Variants in KREMEN2 observed in about 807,000 individuals in gnomAD.
KREMEN2 encodes kringle containing transmembrane protein 2.
Under a neutral mutation model 49.8 loss-of-function variants are expected in KREMEN2, and 43 were observed. The observed-to-expected ratio is 0.86, with a 90% CI of 0.68 to 1.11. KREMEN2 has a LOEUF of 1.11. Ranked by LOEUF, KREMEN2 falls within the 50% of genes most tolerant of loss-of-function variation. The pLI is 0.00. For synonymous variants in KREMEN2, 355 were observed against 304.9 expected, an observed-to-expected ratio of 1.16 and a Z score of -1.71; for missense variants, 686 against 665.7, an observed-to-expected ratio of 1.03 and a Z score of -0.34.
At position 2,967,883 on chromosome 16, in the gene KREMEN2, G is replaced by C; in HGVS notation, c.1252G>C (p.Val418Leu). The stretch of plus-strand genomic sequence containing the variant: ...CAGGGGCCCCAGGAGAAGCTGGGCT[G>C]TGTGGTACCAACAGCCCCGAGGGGT... ...ASRGPRRSWA[V>L]WYQQPRGVAL... Residue 418 changes from valine to leucine, a missense_variant, in exon 9 of 9, where the codon GTG becomes CTG. Val to Leu is a conservative substitution (Grantham distance 32, BLOSUM62 1). Coordinates refer to ENST00000303746, the MANE Select transcript of KREMEN2 (RefSeq NM_172229.3). The C allele has an allele frequency of 1.3e-6, 2 of 1,557,232 alleles. No individual in the cohort carries two copies. The highest frequency in any genetic ancestry group is 1.7e-4 in the Middle Eastern group (1 of 5,798).
rs2071823741 is a variant in KREMEN2 at position 2,966,572 on chromosome 16, G to A, written c.487-70G>A. The A allele has an allele frequency of 2.1e-6, 3 of 1,435,568 alleles. No individual in the cohort carries two copies. Among genetic ancestry groups the A allele is most frequent in the African/African-American group, 2.8e-5 (2 of 71,020 alleles). The allele number at this position is 1,435,568 out of a possible 1,614,324, so 88.9% of individuals were successfully genotyped here. A position where few individuals can be genotyped will look rare whatever the true frequency, so the allele number is the denominator to read the frequency against. ...GAACCTCCAGCCCGATTCCCACCCC[G>A]ACCCCAGGCCCCCACCACTTCACCC... On this transcript the variant is annotated intron_variant, in intron 4 of 8. Transcript: ENST00000303746. The surrounding 1 kb of genome is among the most constrained non-coding windows in gnomAD (Gnocchi z 8.4).
intron 2 of KREMEN2, 48 bp downstream of exon 2, chr16:2,965,081 A>T (rs1162200251): frequency 2.2e-6 from 3 of 1,355,554 alleles, no homozygotes; most frequent in South Asian, 1.5e-5. Context: ...TCACCATTGC[A>T]GGGATGGCCC....
chr16:2,967,561 C>A lies in KREMEN2; in HGVS notation c.1135C>A (p.Leu379Met). 1.3e-6 allele frequency: 2 copies of A among 1,527,894 alleles called. No individual in the cohort carries two copies. The highest frequency in any genetic ancestry group is 1.7e-6 in the Non-Finnish European group (2 of 1,143,338). 94.6% of individuals were successfully genotyped at this position (1,527,894 alleles called of 1,614,324 possible). Residue 379 changes from leucine (L) to methionine (M), a missense_variant, in exon 8 of 9, where the codon CTG (leucine) becomes ATG (methionine). Transcript: ENST00000303746. ...CTCGACGGTGACGGCTGTCTCGGTG[C>A]TGCTGCTGCTGCTCCTGGGGCTGCT... ...VFSTVTAVSV[L>M]LLLLLGLLRP... is the part of the protein sequence containing the mutation.
intron 2 of KREMEN2, 59 bp downstream of exon 2, chr16:2,965,092 G>A: frequency 4.4e-6 from 6 of 1,353,248 alleles, no homozygotes; most frequent in South Asian, 1.5e-5. Flanking sequence ...GGGATGGCCC[G>A]AAGCGGGGCC....
chr16:2,965,115 G>C lies in KREMEN2; in HGVS notation c.269+82G>C, dbSNP rs980786155. On this transcript the variant is annotated intron_variant, in intron 2 of 8. Transcript: ENST00000303746. ...CCGAAGCGGGGCCTCCGTGCGGGCG[G>C]GGTGGAGGTCTGCCGTGGACTGGCA... 11 of 1,248,972 alleles carry C rather than the reference G, an allele frequency of 8.8e-6. No individual in the cohort carries two copies. In the African/African-American group the frequency reaches 1.3e-4, roughly 15 times the overall value. 77.4% of individuals were successfully genotyped at this position (1,248,972 alleles called of 1,614,324 possible). A position where few individuals can be genotyped will look rare whatever the true frequency, so the allele number is the denominator to read the frequency against.
chr16:2,965,828 T>TG (rs1266912437), intron 2 of KREMEN2, among the ~76,000 whole-genome samples: 2 of 140,236 alleles, frequency 1.4e-5, no homozygotes, highest in Non-Finnish European at 3.1e-5. Flanking sequence ...CCATGCCGGG[T>TG]GGGGGTGAAG....
Position 2,968,092 on chromosome 16 carries a change from C to A in KREMEN2, c.*72C>A. On this transcript the variant is annotated 3_prime_UTR_variant, in exon 9 of 9. Coordinates refer to ENST00000303746, the MANE Select transcript of KREMEN2 (RefSeq NM_172229.3). ...ACCTGAGATGCTGTGCTGCGCCCTGCCTCGGCCTTGCGCCTGTGTAGGGGC... is the reference window on the plus strand; with the variant it reads ...ACCTGAGATGCTGTGCTGCGCCCTGACTCGGCCTTGCGCCTGTGTAGGGGC... The A allele has an allele frequency of 6.9e-7, 1 of 1,449,282 alleles. No individual in the cohort carries two copies. The highest frequency in any genetic ancestry group is 9.3e-7 in the Non-Finnish European group (1 of 1,069,886). The allele number at this position is 1,449,282 out of a possible 1,614,324, so 89.8% of individuals were successfully genotyped here.
Position 2,964,757 on chromosome 16 carries a change from G to C in KREMEN2, c.95-102G>C, listed in dbSNP as rs74832880. ...AGCCCGAGGGCTCCTGCAGGGGCGG[G>C]TGCGGGGTCGCTGGCTGGGGACCCA... On this transcript the variant is annotated intron_variant, in intron 1 of 8. Coordinates refer to ENST00000303746, the MANE Select transcript of KREMEN2 (RefSeq NM_172229.3). 4,748 of 1,452,218 alleles carry C rather than the reference G, an allele frequency of 3.3e-3. 131 individuals carry two copies. The African/African-American group carries it at 0.06, about 18-fold the overall frequency. 90.0% of individuals were successfully genotyped at this position (1,452,218 alleles called of 1,614,324 possible).
At position 2,967,800 on chromosome 16, in the gene KREMEN2, C is replaced by T. The variant is rs946961396; in HGVS notation, c.1179-10C>T. 3.2e-6 allele frequency: 5 copies of T among 1,549,594 alleles called. No individual in the cohort carries two copies. The highest frequency in any genetic ancestry group is 2.7e-5 in the African/African-American group (2 of 73,138). On this transcript the variant is annotated splice_polypyrimidine_tract_variant and intron_variant, in intron 8 of 8. Coordinates refer to ENST00000303746, the MANE Select transcript of KREMEN2 (RefSeq NM_172229.3). ...TGGACCGGCTCGGCTGATGTCTGCT[C>T]CCTCTCTAGGAGCTGTCTGCTGGCT...
In KREMEN2 at chr16:2,967,477, A is replaced by AG. The variant is rs2071853178; in HGVS notation, c.1099+35dup. ...CGGGCGCGCGGGACGGGAGTGAGTC[A>AG]GGGAGCCGCCCCCTCGCGCCCATCC... On this transcript the variant is annotated intron_variant, in intron 7 of 8. Transcript: ENST00000303746. The AG allele has an allele frequency of 3.4e-6, 5 of 1,477,590 alleles. No individual in the cohort carries two copies. The East Asian group carries it at 1.3e-4, about 39-fold the overall frequency. 91.5% of individuals were successfully genotyped at this position (1,477,590 alleles called of 1,614,324 possible). A position where few individuals can be genotyped will look rare whatever the true frequency, so the allele number is the denominator to read the frequency against.
intron 2 of KREMEN2, among the ~76,000 whole-genome samples, chr16:2,965,843 C>T (rs1405806065): frequency 6.6e-6 from 1 of 151,246 alleles, no homozygotes; most frequent in Non-Finnish European, 1.5e-5. Context: ...GTGAAGAATA[C>T]AGATGGCCTC....
rs770031834 is a variant in KREMEN2, at chr16:2,967,967, C to T, written c.1336C>T (p.Pro446Ser). The change falls in exon 9 of 9, where the codon CCT (proline) becomes TCT (serine). Residue 446 changes from proline to serine, a missense_variant. Physicochemically the swap from Pro to Ser is moderately conservative, Grantham distance 74. Transcript: ENST00000303746. Reference sequence around the variant, plus strand: ...TGAGGGTTCTGCCGCGGGCTACCGGCCTCTGAGTGCCTCCAGCCAGAGCTC... The same window carrying T: ...TGAGGGTTCTGCCGCGGGCTACCGGTCTCTGAGTGCCTCCAGCCAGAGCTC... ...QAEGSAAGYR[P>S]LSASSQSSLR... 2 of 1,585,204 alleles carry T rather than the reference C, an allele frequency of 1.3e-6. No homozygotes were observed. Among genetic ancestry groups the T allele is most frequent in the Non-Finnish European group, 8.5e-7 (1 of 1,170,058 alleles).
intron 2 of KREMEN2, among the ~76,000 whole-genome samples, chr16:2,965,833 G>C (rs2071806737): frequency 6.6e-6 from 1 of 151,974 alleles, no homozygotes; most frequent in Non-Finnish European, 1.5e-5. Context: ...CCGGGTGGGG[G>C]TGAAGAATAC....
Position 2,964,619 on chromosome 16 carries a change from G to C in KREMEN2, c.94+5G>C, listed in dbSNP as rs748445505. On this transcript the variant is annotated splice_donor_5th_base_variant and intron_variant, in intron 1 of 8. Coordinates refer to ENST00000303746, the MANE Select transcript of KREMEN2 (RefSeq NM_172229.3). ...CTGGGAGCCTGCACAGTCCAGGTAA[G>C]TCCCCGCACGGCTGTCGGGCCGTGT... The C allele has an allele frequency of 2.5e-6, 4 of 1,579,164 alleles. No individual in the cohort carries two copies. The South Asian group carries it at 4.6e-5, about 18-fold the overall frequency.
Position 2,968,095 on chromosome 16 carries a change from C to T in KREMEN2, c.*75C>T. The T allele has an allele frequency of 9.1e-6, 13 of 1,431,394 alleles. No individual in the cohort carries two copies. Among genetic ancestry groups the T allele is most frequent in the Non-Finnish European group, 1.2e-5 (13 of 1,053,580 alleles). The allele number at this position is 1,431,394 out of a possible 1,614,324, so 88.7% of individuals were successfully genotyped here. A position where few individuals can be genotyped will look rare whatever the true frequency, so the allele number is the denominator to read the frequency against. On this transcript the variant is annotated 3_prime_UTR_variant, in exon 9 of 9. Coordinates refer to ENST00000303746, the MANE Select transcript of KREMEN2 (RefSeq NM_172229.3). ...TGAGATGCTGTGCTGCGCCCTGCCT[C>T]GGCCTTGCGCCTGTGTAGGGGCAGC...
chr16:2,967,444 G>A lies in KREMEN2; in HGVS notation c.1098G>A (p.Gly366=). 2.8e-6 allele frequency: 4 copies of A among 1,415,078 alleles called. No homozygotes were observed. Among genetic ancestry groups the A allele is most frequent in the Non-Finnish European group, 3.7e-6 (4 of 1,095,668 alleles). The allele number at this position is 1,415,078 out of a possible 1,614,324, so 87.7% of individuals were successfully genotyped here. ...CTGGGGCTCCGCCGGCCGCGATTGG[G>A]GGTGAGGCGGGCGCGCGGGACGGGA... ...PRPGAPPAAI[G]ARVFSTVTAV... The change falls in exon 7 of 9, where the codon GGG becomes GGA. Residue 366 remains glycine, a splice_region_variant and synonymous_variant. Transcript: ENST00000303746.
rs778222505 is a variant in KREMEN2, at chr16:2,964,318, A to G, written c.-203A>G. 2 of 461,648 alleles carry G rather than the reference A, an allele frequency of 4.3e-6. No individual in the cohort carries two copies. Among genetic ancestry groups the G allele is most frequent in the Non-Finnish European group, 7.7e-6 (2 of 260,964 alleles). The allele number at this position is 461,648 out of a possible 1,614,324, so 28.6% of individuals were successfully genotyped here. On this transcript the variant is annotated 5_prime_UTR_variant, in exon 1 of 9. Coordinates refer to ENST00000303746, the MANE Select transcript of KREMEN2 (RefSeq NM_172229.3). Reference sequence around the variant, plus strand: ...CCCGGGTAGGGACAGGGACAGAGAGACGCCTCTAGGGGCAGAGGCCCTGGG... The same window carrying G: ...CCCGGGTAGGGACAGGGACAGAGAGGCGCCTCTAGGGGCAGAGGCCCTGGG...
In KREMEN2 at chr16:2,967,453, G is replaced by C. The variant is rs1567373531; in HGVS notation, c.1099+8G>C. ...CGCCGGCCGCGATTGGGGGTGAGGC[G>C]GGCGCGCGGGACGGGAGTGAGTCAG... On this transcript the variant is annotated splice_region_variant and intron_variant, in intron 7 of 8. Coordinates refer to ENST00000303746, the MANE Select transcript of KREMEN2 (RefSeq NM_172229.3). 3 of 1,418,380 alleles carry C rather than the reference G, an allele frequency of 2.1e-6. No individual in the cohort carries two copies. Among genetic ancestry groups the C allele is most frequent in the East Asian group, 2.8e-5 (1 of 35,252 alleles). 87.9% of individuals were successfully genotyped at this position (1,418,380 alleles called of 1,614,324 possible). A position where few individuals can be genotyped will look rare whatever the true frequency, so the allele number is the denominator to read the frequency against.
Position 2,968,112 on chromosome 16 carries a change from A to G in KREMEN2, c.*92A>G. The G allele has an allele frequency of 7.5e-7, 1 of 1,336,302 alleles. No individual in the cohort carries two copies. Among genetic ancestry groups the G allele is most frequent in the Non-Finnish European group, 1.0e-6 (1 of 967,420 alleles). 82.8% of individuals were successfully genotyped at this position (1,336,302 alleles called of 1,614,324 possible). On this transcript the variant is annotated 3_prime_UTR_variant, in exon 9 of 9. Transcript: ENST00000303746. ...CCCTGCCTCGGCCTTGCGCCTGTGT[A>G]GGGGCAGCTCGGCCTCTGGTCGCCT...
Sources: gnomAD v4.1 joint callset for allele counts (sites outside exome capture counted in the v4.1 genomes callset) on GRCh38, gnomAD v4.1.1 for gene constraint, Gnocchi (gnomAD v3.1) non-coding constraint, MANE v1.5 for transcripts, NCBI Gene and HGNC (gene_info 2026-07-23, HGNC 2026-07-21) for gene names.